The following FARS2 variants were observed in gnomAD, a reference collection of about 807,000 sequenced individuals.
The protein encoded by FARS2 is phenylalanyl-tRNA synthetase 2, mitochondrial.
FARS2 carries 40 observed loss-of-function variants against 46.4 expected under a neutral mutation model. The observed-to-expected ratio is 0.86, with a 90% CI of 0.67 to 1.12. The LOEUF is 1.12. Among genes scored for constraint, FARS2 ranks in the 50% most tolerant of loss-of-function variants. FARS2 has a pLI of 0.00. For missense variants in FARS2, 513 were observed against 567.9 expected (o/e 0.90, Z 0.98); for synonymous variants, 234 against 214.9 (o/e 1.09, Z -0.78).
At chr6:5,351,396 T>C (rs1041061473) in intron 1 of FARS2, among the ~76,000 whole-genome samples, 1 of 152,226 alleles carries the variant, frequency 6.6e-6, no homozygotes, top group African/African-American at 2.4e-5. Flanking sequence ...CAGGAACATA[T>C]CTTTTCACAG....
chr6:5,366,878 T>A (rs970099444), intron 1 of FARS2, among the ~76,000 whole-genome samples: 2 of 152,238 alleles, frequency 1.3e-5, no homozygotes, highest in Non-Finnish European at 2.9e-5. Context: ...TAAGGCTGCA[T>A]ATGCATGTTT....
At chr6:5,535,588 T>C (rs1445738431) in intron 4 of FARS2, among the ~76,000 whole-genome samples, 1 of 152,242 alleles carries the variant, frequency 6.6e-6, no homozygotes, top group Non-Finnish European at 1.5e-5. Context: ...TTGTTCCCGA[T>C]CTAAGTGAAA....
chr6:5,476,926 T>C (rs1033060692), intron 4 of FARS2, among the ~76,000 whole-genome samples: 2 of 152,170 alleles, frequency 1.3e-5, no homozygotes, highest in Non-Finnish European at 2.9e-5. Flanking sequence ...GTGTAGGATA[T>C]TAAGTGCCAG....
At chr6:5,502,010 A>G (rs966892043) in intron 4 of FARS2, among the ~76,000 whole-genome samples, 2 of 152,180 alleles carry the variant, frequency 1.3e-5, no homozygotes, top group African/African-American at 2.4e-5. Context: ...AGCTGAGCCA[A>G]TACCTCCTTG....
chr6:5,723,170 A>T (rs1038070035), intron 6 of FARS2, among the ~76,000 whole-genome samples: 1 of 152,110 alleles, frequency 6.6e-6, no homozygotes, highest in African/African-American at 2.4e-5. Flanking sequence ...CAGGCCACGA[A>T]TGGGCCACTC....
intron 6 of FARS2, among the ~76,000 whole-genome samples, chr6:5,728,646 C>A (rs1343677466): frequency 1.3e-5 from 2 of 152,162 alleles, no homozygotes; most frequent in Non-Finnish European, 2.9e-5. Flanking sequence ...AAGAAAGGCT[C>A]AGTATACACA....
intron 1 of FARS2, among the ~76,000 whole-genome samples, chr6:5,299,268 C>T (rs1768116177): frequency 1.3e-5 from 2 of 152,150 alleles, no homozygotes; most frequent in Admixed American, 1.3e-4. Flanking sequence ...TCTCCTCTGG[C>T]GAACATAGTT....
chr6:5,494,836 G>A (rs1394662813), intron 4 of FARS2, among the ~76,000 whole-genome samples: 1 of 152,108 alleles, frequency 6.6e-6, no homozygotes, highest in Non-Finnish European at 1.5e-5. Context: ...AGTTCAAGGT[G>A]TCCTAATGGT....
chr6:5,581,377 T>A (rs1773317563), intron 5 of FARS2, among the ~76,000 whole-genome samples: 1 of 152,192 alleles, frequency 6.6e-6, no homozygotes, highest in Non-Finnish European at 1.5e-5. Context: ...CAGAAAGCCT[T>A]TAAATGAGTT....
chr6:5,769,030 T>C (rs1364461893), intron 6 of FARS2, among the ~76,000 whole-genome samples: 2 of 152,194 alleles, frequency 1.3e-5, no homozygotes, highest in Non-Finnish European at 1.5e-5. Context: ...GTGCTTTTGG[T>C]GTCATCTAAG....
chr6:5,364,416 A>G (rs1418679867), intron 1 of FARS2, among the ~76,000 whole-genome samples: 4 of 152,132 alleles, frequency 2.6e-5, no homozygotes, highest in Non-Finnish European at 4.4e-5. Context: ...CTCTTCTTAT[A>G]GTTGGTCTGA....
At chr6:5,579,031 G>A (rs1483018795) in intron 5 of FARS2, among the ~76,000 whole-genome samples, 1 of 152,056 alleles carries the variant, frequency 6.6e-6, no homozygotes, top group African/African-American at 2.4e-5. Context: ...TCTTAGCACA[G>A]TACATGACAT....
At chr6:5,562,729 G>A (rs9504436) in intron 5 of FARS2, among the ~76,000 whole-genome samples, 103,284 of 141,008 alleles carry the variant, frequency 0.73, 37,053 homozygotes, top group Middle Eastern at 0.9. Context: ...CACACACACA[G>A]TGTTTTTCAT....
In FARS2 at chr6:5,727,198, G is replaced by C. The variant is rs1760323508; in HGVS notation, c.1218-44093G>C. On this transcript the variant is annotated intron_variant, in intron 6 of 6. Coordinates refer to ENST00000274680, the MANE Select transcript of FARS2 (RefSeq NM_006567.5). This position sits in a 1 kb window ranked among gnomAD's most constrained non-coding sequence, Gnocchi z 4.1. ...AACGGCGGCTGCTGCTGTAGGGGTG[G>C]GCATGGGAGGGGCTGTTCCTCTCAT... Among the ~76,000 whole-genome samples, 1 of 152,156 alleles carries C rather than the reference G, an allele frequency of 6.6e-6. No homozygotes were observed. Among genetic ancestry groups the C allele is most frequent in the Non-Finnish European group, 1.5e-5 (1 of 68,020 alleles).
chr6:5,540,030 G>T (rs893804688), intron 4 of FARS2, among the ~76,000 whole-genome samples: 3 of 152,114 alleles, frequency 2.0e-5, no homozygotes, highest in African/African-American at 7.2e-5. Flanking sequence ...GCAACCATGG[G>T]GCTCCCTCTT....
At chr6:5,762,852 A>C (rs933068133) in intron 6 of FARS2, among the ~76,000 whole-genome samples, 5 of 152,178 alleles carry the variant, frequency 3.3e-5, no homozygotes, top group African/African-American at 1.2e-4. Flanking sequence ...GCACAGCAGC[A>C]GCAGGGAGCG....
At chr6:5,365,549 G>A (rs1758620624) in intron 1 of FARS2, among the ~76,000 whole-genome samples, 1 of 103,754 alleles carries the variant, frequency 9.6e-6, no homozygotes, top group Non-Finnish European at 1.9e-5. Flanking sequence ...ATAGGGTCTT[G>A]TCATGTTGCC....
intron 6 of FARS2, among the ~76,000 whole-genome samples, chr6:5,620,194 C>G (rs114081801): frequency 2.0e-4 from 31 of 152,122 alleles, no homozygotes; most frequent in Non-Finnish European, 4.0e-4. Flanking sequence ...AACCTTCCTA[C>G]CGTGCACGCG....
At chr6:5,299,373 G>C (rs1768124575) in intron 1 of FARS2, among the ~76,000 whole-genome samples, 1 of 152,186 alleles carries the variant, frequency 6.6e-6, no homozygotes, top group African/African-American at 2.4e-5. Context: ...GTCAATCTGA[G>C]GGTTTTTTGG....
Sources: allele counts gnomAD v4.1 joint callset (sites outside exome capture counted in the v4.1 genomes callset), GRCh38; gene constraint gnomAD v4.1.1; non-coding constraint Gnocchi (gnomAD v3.1); transcripts MANE v1.5; gene names NCBI Gene and HGNC (gene_info 2026-07-23, HGNC 2026-07-21).